The following GLIPR1L2 variants were observed in gnomAD, a reference collection of about 807,000 sequenced individuals.
GLIPR1L2 encodes the protein GLIPR1-like protein 2.
GLIPR1L2 carries 21 observed loss-of-function variants against 28.4 expected under a neutral mutation model. The ratio of observed to expected loss-of-function variants is 0.74; its 90% CI spans 0.52 to 1.06. The LOEUF (loss-of-function observed/expected upper bound fraction) is 1.06. Ranked by LOEUF, GLIPR1L2 falls within the 50% of genes least tolerant of loss-of-function variation. The pLI is 0.00. For synonymous variants in GLIPR1L2, 145 were observed against 139.3 expected (o/e 1.04, Z -0.29); for missense variants, 476 against 416.9 (o/e 1.14, Z -1.23).
At chr12:75,429,655 C>G (rs1270055468) in intron 4 of GLIPR1L2, among the ~76,000 whole-genome samples, 1 of 152,100 alleles carries the variant, frequency 6.6e-6, no homozygotes, top group Non-Finnish European at 1.5e-5. Flanking sequence ...CAAATCTCAT[C>G]TCAAATGGTA....
At chr12:75,397,992 G>C (rs1158165141) in intron 1 of GLIPR1L2, among the ~76,000 whole-genome samples, 2 of 149,416 alleles carry the variant, frequency 1.3e-5, no homozygotes, top group Non-Finnish European at 3.0e-5. Flanking sequence ...TGGCACCTGA[G>C]TATTACCTTT....
chr12:75,411,136 A>G (rs1444716304), intron 2 of GLIPR1L2, among the ~76,000 whole-genome samples: 1 of 151,624 alleles, frequency 6.6e-6, no homozygotes, highest in Admixed American at 6.6e-5. Context: ...CACACTTTAT[A>G]CTCCAGGAAT....
At chr12:75,425,468 G>C (rs949836958) in intron 4 of GLIPR1L2, among the ~76,000 whole-genome samples, 2 of 152,290 alleles carry the variant, frequency 1.3e-5, no homozygotes, top group South Asian at 2.1e-4. Flanking sequence ...GGGCCCAAGT[G>C]GGGTAAGGAA....
chr12:75,410,560 T>G lies in GLIPR1L2; in HGVS notation c.361T>G (p.Trp121Gly). ...PKFYGIGENM[W>G]VGPENEFTAS... Reference sequence around the variant, plus strand: ...ATTTTATGGTATTGGTGAAAATATGTGGGTCGGCCCTGAAAATGAATTTAC... The same window carrying G: ...ATTTTATGGTATTGGTGAAAATATGGGGGTCGGCCCTGAAAATGAATTTAC... Residue 121 changes from tryptophan (W) to glycine (G), a missense_variant, in exon 2 of 6, where the codon TGG becomes GGG. Physicochemically the swap from Trp to Gly is radical, Grantham distance 184. Transcript: ENST00000550916. 1.2e-6 allele frequency: 2 copies of G among 1,612,412 alleles called. No individual in the cohort carries two copies. Among genetic ancestry groups the G allele is most frequent in the Non-Finnish European group, 1.7e-6 (2 of 1,178,936 alleles).
intron 4 of GLIPR1L2, 180 bp downstream of exon 4, chr12:75,423,169 C>T: frequency 6.8e-7 from 1 of 1,462,600 alleles, no homozygotes; most frequent in Non-Finnish European, 9.0e-7. Context: ...AACTGCAGAG[C>T]TTTTTCTGTT....
At position 75,424,308 on chromosome 12, in the gene GLIPR1L2, C is replaced by G. The variant is rs192222083; in HGVS notation, c.670+1319C>G. 5.8e-4 allele frequency among the ~76,000 whole-genome samples: 88 copies of G among 152,334 alleles called. 1 individual carries two copies. Among genetic ancestry groups the G allele is most frequent in the African/African-American group, 2.0e-3 (85 of 41,568 alleles). On this transcript the variant is annotated intron_variant, in intron 4 of 5. Transcript: ENST00000550916. ...CATTGTGGTTTTGATTTGCATTTCT[C>G]TAATGACCAGTGATGATGAACTTTT...
chr12:75,413,762 C>G, intron 3 of GLIPR1L2, 61 bp downstream of exon 3: 2 of 764,760 alleles, frequency 2.6e-6, no homozygotes. Flanking sequence ...GTGAGTTTTT[C>G]TAACTTTTAA....
intron 1 of GLIPR1L2, chr12:75,403,129 T>C (rs1292570458): frequency 2.2e-6 from 1 of 456,920 alleles, no homozygotes; most frequent in Non-Finnish European, 4.4e-6. Flanking sequence ...TCCTGAATGA[T>C]TGATTGGGGA....
At position 75,432,440 on chromosome 12, in the gene GLIPR1L2, T is replaced by C. The variant is rs1344428134; in HGVS notation, c.*1279T>C. 1 of 152,126 alleles carries C rather than the reference T, an allele frequency of 6.6e-6. No homozygotes were observed. Among genetic ancestry groups the C allele is most frequent in the African/African-American group, 2.4e-5 (1 of 41,432 alleles). 9.4% of individuals were successfully genotyped at this position (152,126 alleles called of 1,614,324 possible). ...AAGAATCACTGCATATCTGATGTTT[T>C]CAAATAAAACAATCTCTGTTTTCTG... On this transcript the variant is annotated 3_prime_UTR_variant, in exon 6 of 6. Transcript: ENST00000550916.
chr12:75,414,813 G>A (rs1009940169), intron 3 of GLIPR1L2, among the ~76,000 whole-genome samples: 1 of 152,008 alleles, frequency 6.6e-6, no homozygotes, highest in African/African-American at 2.4e-5. Context: ...TATTCACTCA[G>A]CAAGTATGTA....
At chr12:75,411,964 A>G (rs867898262) in intron 2 of GLIPR1L2, among the ~76,000 whole-genome samples, 10 of 152,040 alleles carry the variant, frequency 6.6e-5, no homozygotes, top group Middle Eastern at 3.4e-3. Context: ...CCAATTCAAG[A>G]TCTGTTTCTC....
intron 1 of GLIPR1L2, among the ~76,000 whole-genome samples, chr12:75,392,048 T>G (rs374674934): frequency 6.6e-6 from 1 of 152,146 alleles, no homozygotes. Context: ...TGCTATTGAG[T>G]TTTCCTGACT....
chr12:75,426,498 C>A (rs576404389), intron 4 of GLIPR1L2, among the ~76,000 whole-genome samples: 1 of 152,300 alleles, frequency 6.6e-6, no homozygotes, highest in East Asian at 1.9e-4. Flanking sequence ...TCTTACCTGG[C>A]CTACTATCAC....
At chr12:75,420,136 A>G (rs115482830) in intron 3 of GLIPR1L2, among the ~76,000 whole-genome samples, 128 of 152,318 alleles carry the variant, frequency 8.4e-4, no homozygotes, top group African/African-American at 3.0e-3. Flanking sequence ...AGATGGAAAA[A>G]TCGACATCTG....
At chr12:75,396,442 T>G (rs2045682324) in intron 1 of GLIPR1L2, among the ~76,000 whole-genome samples, 1 of 152,224 alleles carries the variant, frequency 6.6e-6, no homozygotes. Context: ...ACTACCACTT[T>G]CTGGAATCAG....
chr12:75,412,216 A>G lies in GLIPR1L2; in HGVS notation c.481-1382A>G, dbSNP rs114333082. ...TTTCTCATCTTCCTCTCTTCCAATA[A>G]CCTAGAACTTTCCAATTCAACCAGA... On this transcript the variant is annotated intron_variant, in intron 2 of 5. Coordinates refer to ENST00000550916, the MANE Select transcript of GLIPR1L2 (RefSeq NM_001270396.2). 5.5e-3 allele frequency among the ~76,000 whole-genome samples: 836 copies of G among 152,052 alleles called. 10 individuals are homozygous for G. Among genetic ancestry groups the G allele is most frequent in the African/African-American group, 0.019 (786 of 41,492 alleles).
intron 1 of GLIPR1L2, among the ~76,000 whole-genome samples, chr12:75,408,658 C>T (rs564148181): frequency 3.3e-5 from 5 of 151,998 alleles, no homozygotes; most frequent in Admixed American, 1.3e-4. Flanking sequence ...TATAGGTATC[C>T]GTGCTGCGGA....
intron 5 of GLIPR1L2, 29 bp downstream of exon 5, chr12:75,430,770 A>T: frequency 6.5e-7 from 1 of 1,534,316 alleles, no homozygotes; most frequent in African/African-American, 1.4e-5. Flanking sequence ...TATTTCTTGA[A>T]CAATTGAACT....
chr12:75,427,358 T>C (rs1450706374), intron 4 of GLIPR1L2, among the ~76,000 whole-genome samples: 1 of 152,136 alleles, frequency 6.6e-6, no homozygotes, highest in African/African-American at 2.4e-5. Flanking sequence ...ATACAAACTA[T>C]ATGACAAAAG....
Sources: gnomAD v4.1 joint callset for allele counts (sites outside exome capture counted in the v4.1 genomes callset) on GRCh38, gnomAD v4.1.1 for gene constraint, MANE v1.5 for transcripts, NCBI Gene and HGNC (gene_info 2026-07-23, HGNC 2026-07-21) for gene names.